SKAP1: variants seen among roughly 807,000 people sequenced by gnomAD.
SKAP1 encodes src kinase-associated phosphoprotein 1.
Under a neutral mutation model 58.5 loss-of-function variants are expected in SKAP1, and 44 were observed. That is an observed-to-expected ratio of 0.75 (90% CI 0.59 to 0.97). SKAP1 has a LOEUF of 0.97. Ranked by LOEUF, SKAP1 falls within the 50% of genes least tolerant of loss-of-function variation. SKAP1 has a pLI of 0.00. For missense variants in SKAP1, 390 were observed against 435.2 expected, an observed-to-expected ratio of 0.90 and a Z score of 0.92; for synonymous variants, 127 against 149.7, an observed-to-expected ratio of 0.85 and a Z score of 1.11.
intron 4 of SKAP1, among the ~76,000 whole-genome samples, chr17:48,230,399 G>A (rs565324846): frequency 1.3e-5 from 2 of 152,298 alleles, no homozygotes; most frequent in African/African-American, 2.4e-5. Flanking sequence ...TGATGGGGGA[G>A]AGGGAAGATC....
At chr17:48,136,777 C>A (rs552694305) in intron 12 of SKAP1, among the ~76,000 whole-genome samples, 2 of 150,362 alleles carry the variant, frequency 1.3e-5, no homozygotes, top group Admixed American at 6.7e-5. Flanking sequence ...CGGGTTCAAG[C>A]GATTCTCCCC....
intron 2 of SKAP1, among the ~76,000 whole-genome samples, chr17:48,367,775 G>A (rs529919570): frequency 1.4e-4 from 21 of 151,238 alleles, no homozygotes; most frequent in African/African-American, 4.6e-4. Flanking sequence ...AAAATTAGCC[G>A]GGCGTGGTGG....
At chr17:48,308,886 A>G (rs2066184183) in intron 4 of SKAP1, 1 of 152,118 alleles carries the variant, frequency 6.6e-6, no homozygotes, top group South Asian at 2.1e-4. Context: ...AATGTTTGTT[A>G]TTATTATTAT....
intron 2 of SKAP1, among the ~76,000 whole-genome samples, chr17:48,386,305 C>A (rs1567893756): frequency 8.7e-6 from 1 of 115,402 alleles, no homozygotes; most frequent in Non-Finnish European, 1.8e-5. Context: ...CCATGCTAGA[C>A]CTTTTTTTTT....
In SKAP1 at chr17:48,345,761, T is replaced by C. The variant is rs2066714439; in HGVS notation, c.280+144A>G. The C allele has an allele frequency of 1.3e-5, 8 of 614,166 alleles. No individual in the cohort carries two copies. The South Asian group carries it at 1.5e-4, about 12-fold the overall frequency. 38.0% of individuals were successfully genotyped at this position (614,166 alleles called of 1,614,324 possible). Reference sequence around the variant, plus strand: ...AGGATCAGCACCACAATGAAACAAATAGTTGTTCTTTGCAAACTAGTGATT... The same window carrying C: ...AGGATCAGCACCACAATGAAACAAACAGTTGTTCTTTGCAAACTAGTGATT... On this transcript the variant is annotated intron_variant, in intron 4 of 12. Transcript: ENST00000336915.
intron 1 of SKAP1, among the ~76,000 whole-genome samples, chr17:48,410,873 G>A (rs1474706298): frequency 7.4e-6 from 1 of 134,738 alleles, no homozygotes; most frequent in South Asian, 2.5e-4. Flanking sequence ...GTTGCAGTGA[G>A]CCAAGATCAC....
At chr17:48,235,912 G>A (rs969937939) in intron 4 of SKAP1, among the ~76,000 whole-genome samples, 35 of 152,256 alleles carry the variant, frequency 2.3e-4, no homozygotes, top group South Asian at 2.1e-4. Flanking sequence ...TGTAGCTCAA[G>A]GGACCACACT....
intron 11 of SKAP1, among the ~76,000 whole-genome samples, chr17:48,146,305 A>G (rs929095376): frequency 1.3e-5 from 2 of 152,040 alleles, no homozygotes; most frequent in African/African-American, 4.8e-5. Flanking sequence ...AGCCTGGCCA[A>G]TATGGTGAAA....
chr17:48,437,506 G>T, the SKAP1 span, among the ~76,000 whole-genome samples: 1 of 152,262 alleles, frequency 6.6e-6, no homozygotes, highest in South Asian at 2.1e-4. Flanking sequence ...ACTTTGGGAG[G>T]CCAAGGCAGG....
chr17:48,137,469 C>T (rs2063715356), intron 11 of SKAP1, 132 bp from the exon 12 acceptor site: 1 of 557,944 alleles, frequency 1.8e-6, no homozygotes, highest in Admixed American at 3.3e-5. Context: ...GTTAACTTCC[C>T]TGATGGGATT....
intron 2 of SKAP1, among the ~76,000 whole-genome samples, chr17:48,394,167 A>C (rs1350504791): frequency 1.3e-5 from 2 of 151,970 alleles, no homozygotes; most frequent in Non-Finnish European, 2.9e-5. Flanking sequence ...AGGCTGCAGC[A>C]AGCTGTGATT....
intron 4 of SKAP1, among the ~76,000 whole-genome samples, chr17:48,327,181 G>A (rs373512884): frequency 4.6e-5 from 7 of 152,150 alleles, no homozygotes; most frequent in South Asian, 2.1e-4. Flanking sequence ...GTGAGCCACC[G>A]TGCCCAGCAT....
chr17:48,205,031 C>CTT (rs1203724501), intron 4 of SKAP1, among the ~76,000 whole-genome samples: 103 of 58,566 alleles, frequency 1.8e-3, no homozygotes, highest in Middle Eastern at 8.1e-3. Flanking sequence ...TTCTTTCTTT[C>CTT]TTTCTTTCTC....
chr17:48,219,754 C>T (rs1453794953), intron 4 of SKAP1, among the ~76,000 whole-genome samples: 4 of 152,086 alleles, frequency 2.6e-5, no homozygotes, highest in Admixed American at 6.5e-5. Context: ...CTAAGTGGGC[C>T]CTTAATGAAC....
chr17:48,251,046 G>A (rs185857770), intron 4 of SKAP1, among the ~76,000 whole-genome samples: 14 of 152,154 alleles, frequency 9.2e-5, no homozygotes, highest in Non-Finnish European at 1.3e-4. Flanking sequence ...CCTTTAATTC[G>A]GTTAAACATC....
chr17:48,169,396 T>C (rs1373824664), intron 10 of SKAP1, among the ~76,000 whole-genome samples: 1 of 152,196 alleles, frequency 6.6e-6, no homozygotes, highest in Non-Finnish European at 1.5e-5. Context: ...AAGATATATG[T>C]GGAACATGGG....
intron 4 of SKAP1, among the ~76,000 whole-genome samples, chr17:48,209,191 T>G (rs1394030876): frequency 6.6e-6 from 1 of 152,186 alleles, no homozygotes; most frequent in Non-Finnish European, 1.5e-5. Context: ...CAGTCTTTCC[T>G]CCTCCTCTTT....
chr17:48,400,392 C>T (rs1007145106), intron 1 of SKAP1, among the ~76,000 whole-genome samples: 12 of 152,044 alleles, frequency 7.9e-5, no homozygotes, highest in African/African-American at 2.9e-4. Context: ...AGCCACCACG[C>T]CCAGCCAATC....
In SKAP1 at chr17:48,187,836, C is replaced by T. The variant is rs367604100; in HGVS notation, c.442+7G>A. 6.7e-5 allele frequency: 107 copies of T among 1,596,988 alleles called. No individual in the cohort carries two copies. Among genetic ancestry groups the T allele is most frequent in the Non-Finnish European group, 8.9e-5 (104 of 1,164,932 alleles). Reference sequence around the variant, plus strand: ...GAGATGCTGCTGTGTAAATGAAGAACACTTACTCTTCTCATTAGCATAGTA... The same window carrying T: ...GAGATGCTGCTGTGTAAATGAAGAATACTTACTCTTCTCATTAGCATAGTA... On this transcript the variant is annotated splice_region_variant and intron_variant, in intron 6 of 12. Coordinates refer to ENST00000336915, the MANE Select transcript of SKAP1 (RefSeq NM_003726.4).
Sources: gnomAD v4.1 joint callset for allele counts (sites outside exome capture counted in the v4.1 genomes callset) on GRCh38, gnomAD v4.1.1 for gene constraint, MANE v1.5 for transcripts, NCBI Gene and HGNC (gene_info 2026-07-23, HGNC 2026-07-21) for gene names.